Variants in NPAS1 observed in about 807,000 individuals in gnomAD.
NPAS1 encodes the protein neuronal PAS domain-containing protein 1.
NPAS1 carries 29 observed loss-of-function variants against 49.2 expected under a neutral mutation model. That is an observed-to-expected ratio of 0.59 (90% CI 0.44 to 0.80). The LOEUF (loss-of-function observed/expected upper bound fraction) is 0.80. Ranked by LOEUF, NPAS1 falls within the 30% of genes least tolerant of loss-of-function variation. The probability of loss-of-function intolerance (pLI) is 0.00; values close to 1 mark genes in which losing one functional copy is unlikely to be tolerated. For missense variants in NPAS1, 825 were observed against 835.5 expected (o/e 0.99, Z 0.15); for synonymous variants, 408 against 380.4 (o/e 1.07, Z -0.84).
intron 6 of NPAS1, 115 bp from the exon 7 acceptor site, chr19:47,038,921 C>T (rs543638784): frequency 2.3e-5 from 19 of 822,120 alleles, no homozygotes; most frequent in South Asian, 5.9e-5. Flanking sequence ...CCTCTGAGTG[C>T]GGCCGTGGCC....
chr19:47,037,423 A>T (rs2056968556), intron 6 of NPAS1, among the ~76,000 whole-genome samples: 1 of 150,824 alleles, frequency 6.6e-6, no homozygotes, highest in Admixed American at 6.6e-5. Context: ...TCTCCATTTT[A>T]CATCAGAAAA....
Position 47,023,499 on chromosome 19 carries a change from C to A in NPAS1, c.358+1652C>A, listed in dbSNP as rs78466731. On this transcript the variant is annotated intron_variant, in intron 3 of 11. Transcript: ENST00000602212. ...TCCTATAGTCCCAAAACTGGGAAAT[C>A]GGGGGACAGAGGCATTTCTAGCTCT... 4.7e-4 allele frequency among the ~76,000 whole-genome samples: 72 copies of A among 152,208 alleles called. 1 individual carries two copies. In the East Asian group the frequency reaches 0.013, roughly 27 times the overall value.
In NPAS1 at chr19:47,039,410, A is replaced by G. The variant is rs750005582; in HGVS notation, c.808A>G (p.Ile270Val). 6.2e-7 allele frequency: 1 copy of G among 1,611,612 alleles called. No individual in the cohort carries two copies. The highest frequency in any genetic ancestry group is 1.3e-5 in the African/African-American group (1 of 74,852). ...LHVKASGYKVIHVTGRLRAHA... is the reference protein window; with the variant it reads ...LHVKASGYKVVHVTGRLRAHA... ...CAACCATGCCCACCACCAGCAGGTC[A>G]TCCACGTGACTGGGCGCCTTCGGGC... The change falls in exon 8 of 12, where the codon ATC (isoleucine) becomes GTC (valine). Residue 270 changes from isoleucine (I) to valine (V), a missense_variant. Coordinates refer to ENST00000602212, the MANE Select transcript of NPAS1 (RefSeq NM_002517.4).
chr19:47,039,204 G>C (rs1266503208), intron 7 of NPAS1, 53 bp downstream of exon 7: 8 of 1,523,094 alleles, frequency 5.3e-6, no homozygotes, highest in East Asian at 4.5e-5. Flanking sequence ...TCCCCAGATT[G>C]AGGGTGACCG....
intron 1 of NPAS1, among the ~76,000 whole-genome samples, chr19:47,020,454 GC>G (rs938007145): frequency 1.3e-5 from 2 of 151,832 alleles, no homozygotes; most frequent in African/African-American, 4.8e-5. Flanking sequence ...AACACGTGGC[GC>G]CATCCCGAGA....
Position 47,045,754 on chromosome 19 carries a change from C to A in NPAS1, c.*103C>A. ...CCCTGAGAATTAAACGCCGGCTCTC[C>A]CTGCAGTGGTTTGGGCTCCGGGCTG... On this transcript the variant is annotated 3_prime_UTR_variant, in exon 12 of 12. Transcript: ENST00000602212. 1 of 1,126,904 alleles carries A rather than the reference C, an allele frequency of 8.9e-7. No individual in the cohort carries two copies. Among genetic ancestry groups the A allele is most frequent in the Non-Finnish European group, 1.2e-6 (1 of 836,768 alleles). 69.8% of individuals were successfully genotyped at this position (1,126,904 alleles called of 1,614,324 possible).
intron 11 of NPAS1, among the ~76,000 whole-genome samples, chr19:47,044,902 C>T (rs1190475575): frequency 6.6e-6 from 1 of 152,166 alleles, no homozygotes; most frequent in Admixed American, 6.5e-5. Context: ...TGGTGGCACA[C>T]ACCTGTAATC....
chr19:47,025,091 C>T (rs1433775652), intron 3 of NPAS1, among the ~76,000 whole-genome samples: 3 of 135,204 alleles, frequency 2.2e-5, no homozygotes, highest in Non-Finnish European at 3.3e-5. Context: ...GCGCCGTGCC[C>T]GGCTTTTACA....
intron 10 of NPAS1, among the ~76,000 whole-genome samples, chr19:47,041,757 C>T (rs947804632): frequency 1.3e-5 from 2 of 152,058 alleles, no homozygotes; most frequent in South Asian, 2.1e-4. Context: ...GGTGGTTTGC[C>T]TGAGCCCAGG....
At position 47,019,998 on chromosome 19, in the gene NPAS1, G is replaced by T. The variant is rs1223313406; in HGVS notation, c.-43+1G>T. On this transcript the variant is annotated splice_donor_variant, in intron 1 of 11. Transcript: ENST00000602212. LOFTEE classifies it low-confidence loss of function (5UTR_SPLICE). ...AGTAATCGGACTGGCGGTCCTGCGG[G>T]TAGGGGAAGCTTGCGGGCTGGCAGG... 2.5e-6 allele frequency: 1 copy of T among 394,780 alleles called. No homozygotes were observed. The highest frequency in any genetic ancestry group is 4.5e-6 in the Non-Finnish European group (1 of 223,670). The allele number at this position is 394,780 out of a possible 1,614,324, so 24.5% of individuals were successfully genotyped here.
chr19:47,036,270 A>G (rs1168085173), intron 6 of NPAS1, 141 bp downstream of exon 6: 1 of 953,410 alleles, frequency 1.0e-6, no homozygotes, highest in Non-Finnish European at 1.6e-6. Flanking sequence ...AAGGAATCGG[A>G]GTATAAATTG....
At chr19:47,043,958 CG>C (rs1248630200) in intron 11 of NPAS1, among the ~76,000 whole-genome samples, 1 of 151,922 alleles carries the variant, frequency 6.6e-6, no homozygotes, top group African/African-American at 2.4e-5. Flanking sequence ...CCCAGCTACT[CG>C]GGAGGCTGAG....
rs2056839118 is a variant in NPAS1, at chr19:47,021,248, G to A, written c.122+79G>A. The A allele has an allele frequency of 7.5e-7, 1 of 1,325,200 alleles. No homozygotes were observed. Among genetic ancestry groups the A allele is most frequent in the Non-Finnish European group, 1.0e-6 (1 of 987,550 alleles). The allele number at this position is 1,325,200 out of a possible 1,614,324, so 82.1% of individuals were successfully genotyped here. A position where few individuals can be genotyped will look rare whatever the true frequency, so the allele number is the denominator to read the frequency against. On this transcript the variant is annotated intron_variant, in intron 2 of 11. Transcript: ENST00000602212. This position sits in a 1 kb window ranked among gnomAD's most constrained non-coding sequence, Gnocchi z 5.7. ...ACCCGATGTTCTGTCCCCGTGCCAA[G>A]GGGCAGTTCACACCCAGCTCCCTGA...
chr19:47,045,653 G>A lies in NPAS1; in HGVS notation c.*2G>A, dbSNP rs987481567. ...AGGCTGCCGCGGAAGGGGGACTGAGGACTGGCAGAGCTGCCGGCGCCGGAC... is the reference window on the plus strand; with the variant it reads ...AGGCTGCCGCGGAAGGGGGACTGAGAACTGGCAGAGCTGCCGGCGCCGGAC... On this transcript the variant is annotated 3_prime_UTR_variant, in exon 12 of 12. Transcript: ENST00000602212. 5.9e-5 allele frequency: 83 copies of A among 1,414,710 alleles called. No homozygotes were observed. Among genetic ancestry groups the A allele is most frequent in the Non-Finnish European group, 7.4e-5 (81 of 1,095,204 alleles). 87.6% of individuals were successfully genotyped at this position (1,414,710 alleles called of 1,614,324 possible).
chr19:47,040,893 C>T (rs981853080), intron 9 of NPAS1, 85 bp from the exon 10 acceptor site: 4 of 1,186,622 alleles, frequency 3.4e-6, no homozygotes, highest in Non-Finnish European at 4.6e-6. Context: ...TCTCACTCCT[C>T]CTGTCTCCTC....
Position 47,045,298 on chromosome 19 carries a change from G to A in NPAS1, c.1420G>A (p.Gly474Ser), listed in dbSNP as rs372871946. The change falls in exon 12 of 12, where the codon GGC (glycine) becomes AGC (serine). Residue 474 changes from glycine to serine, a missense_variant. Coordinates refer to ENST00000602212, the MANE Select transcript of NPAS1 (RefSeq NM_002517.4). ...KVEPGPRETK[G>S]SEDSGDEDPS... ...GGAGCCCGGCCCGAGGGAAACCAAAGGCTCCGAGGACAGTGGCGACGAGGA... is the reference window on the plus strand; with the variant it reads ...GGAGCCCGGCCCGAGGGAAACCAAAAGCTCCGAGGACAGTGGCGACGAGGA... The A allele has an allele frequency of 1.9e-6, 3 of 1,613,934 alleles. No homozygotes were observed. Among genetic ancestry groups the A allele is most frequent in the Non-Finnish European group, 2.5e-6 (3 of 1,180,022 alleles).
intron 1 of NPAS1, 112 bp from the exon 2 acceptor site, chr19:47,020,894 G>GGCCCC: frequency 3.7e-6 from 1 of 270,384 alleles, no homozygotes; most frequent in Non-Finnish European, 6.7e-6. Context: ...CATCATCCAG[G>GGCCCC]CCCCCCCCCC....
Position 47,045,248 on chromosome 19 carries a change from A to G in NPAS1, c.1370A>G (p.Gln457Arg). The change falls in exon 12 of 12, where the codon CAG becomes CGG. Residue 457 changes from glutamine to arginine, a missense_variant. Gln to Arg is a conservative substitution (Grantham distance 43). Transcript: ENST00000602212. ...GCCCCAGCGGAGAACGAGGCCCCCC[A>G]GACCCAGGGCAAACGCATCAAAGTG... is the stretch of plus-strand genomic sequence containing the variant. ...QAAPAENEAP[Q>R]TQGKRIKVEP... 6.2e-7 allele frequency: 1 copy of G among 1,613,966 alleles called. No homozygotes were observed. The highest frequency in any genetic ancestry group is 1.1e-5 in the South Asian group (1 of 91,074).
intron 4 of NPAS1, 23 bp from the exon 5 acceptor site, chr19:47,032,620 C>A: frequency 1.2e-6 from 2 of 1,607,242 alleles, no homozygotes; most frequent in Non-Finnish European, 1.7e-6. Flanking sequence ...CTCCTTCCCC[C>A]TCCCTGTCTC....
Sources: gnomAD v4.1 joint callset for allele counts (sites outside exome capture counted in the v4.1 genomes callset) on GRCh38, gnomAD v4.1.1 for gene constraint, Gnocchi (gnomAD v3.1) non-coding constraint, MANE v1.5 for transcripts, NCBI Gene and HGNC (gene_info 2026-07-23, HGNC 2026-07-21) for gene names.